The following ERMAP variants were observed in gnomAD, a reference collection of about 807,000 sequenced individuals.
The protein encoded by ERMAP is erythroblast membrane associated protein (Scianna blood group), also known as erythroid membrane-associated protein.
A neutral mutation model predicts 49.5 loss-of-function variants in ERMAP; 34 were observed. The ratio of observed to expected loss-of-function variants is 0.69; its 90% CI spans 0.52 to 0.91. The LOEUF (loss-of-function observed/expected upper bound fraction) is 0.91. Among genes scored for constraint, ERMAP ranks in the 40% least tolerant of loss-of-function variants. The pLI, the probability that ERMAP is intolerant of heterozygous loss-of-function variation, is 0.00. For missense variants in ERMAP, 541 were observed against 582.6 expected (o/e 0.93, Z 0.74); for synonymous variants, 214 against 232.2 (o/e 0.92, Z 0.71).
rs34926729 is a variant in ERMAP, at chr1:42,839,250, T to C, written c.637+329T>C. On this transcript the variant is annotated intron_variant, in intron 8 of 11. Coordinates refer to ENST00000372517, the MANE Select transcript of ERMAP (RefSeq NM_001017922.2). ...ATGGGGTCCAGGAGGACAGGATCCT[T>C]ATTAAACTGAATATGCTGGAGCAGT... 2,039 of 436,970 alleles carry C rather than the reference T, an allele frequency of 4.7e-3. 29 individuals are homozygous for C. Among genetic ancestry groups the C allele is most frequent in the African/African-American group, 0.037 (1,868 of 50,920 alleles). 27.1% of individuals were successfully genotyped at this position (436,970 alleles called of 1,614,324 possible). A position where few individuals can be genotyped will look rare whatever the true frequency, so the allele number is the denominator to read the frequency against.
Position 42,831,056 on chromosome 1 carries a change from G to T in ERMAP, c.374G>T (p.Arg125Leu). 5 of 1,614,206 alleles carry T rather than the reference G, an allele frequency of 3.1e-6. No homozygotes were observed. Among genetic ancestry groups the T allele is most frequent in the Non-Finnish European group, 4.2e-6 (5 of 1,180,040 alleles). Residue 125 changes from arginine (R) to leucine (L), a missense_variant, in exon 4 of 12, where the codon CGA (arginine) becomes CTA (leucine). Arg to Leu is a moderately radical substitution (Grantham distance 102, BLOSUM62 -2). Transcript: ENST00000372517. ...DVRLEDQGSY[R>L]CLIQVGNLSK... ...CGCCTTGAGGACCAAGGGTCTTACC[G>T]ATGTCTGATCCAAGTTGGAAATCTG...
Position 42,830,924 on chromosome 1 carries a change from G to T in ERMAP, c.242G>T (p.Arg81Leu). ...CGCTCCCAGGCTGTTCACATATTCCGGGATGGGAAGGACCAGGATGAAGAT... is the reference window on the plus strand; with the variant it reads ...CGCTCCCAGGCTGTTCACATATTCCTGGATGGGAAGGACCAGGATGAAGAT... ...PQRSQAVHIF[R>L]DGKDQDEDLM... Residue 81 changes from arginine (R) to leucine (L), a missense_variant, in exon 4 of 12, where the codon CGG becomes CTG. By Grantham distance (102) the Arg-to-Leu change is moderately radical. Transcript: ENST00000372517. 1 of 1,614,154 alleles carries T rather than the reference G, an allele frequency of 6.2e-7. No individual in the cohort carries two copies. The highest frequency in any genetic ancestry group is 8.5e-7 in the Non-Finnish European group (1 of 1,180,014).
chr1:42,828,293 T>A (rs1177852138), intron 2 of ERMAP, among the ~76,000 whole-genome samples: 1 of 152,088 alleles, frequency 6.6e-6, no homozygotes, highest in Admixed American at 6.6e-5. Context: ...TTCCAGCATC[T>A]GGTGCAAATC....
intron 2 of ERMAP, 74 bp from the exon 3 acceptor site, chr1:42,830,370 C>T (rs937507101): frequency 1.1e-4 from 148 of 1,350,414 alleles, no homozygotes; most frequent in Middle Eastern, 3.6e-4. Flanking sequence ...GTCTCGGCCT[C>T]GGCTCCTGGG....
chr1:42,817,212 A>G lies in ERMAP; in HGVS notation c.-163A>G. 8.0e-7 allele frequency: 1 copy of G among 1,256,268 alleles called. No individual in the cohort carries two copies. The highest frequency in any genetic ancestry group is 1.0e-6 in the Non-Finnish European group (1 of 974,084). 77.8% of individuals were successfully genotyped at this position (1,256,268 alleles called of 1,614,324 possible). ...TACCTTTCCCGACCGGGCCACTGGA[A>G]GTTGGAGCCTCCGCCGAGTCGCAGA... On this transcript the variant is annotated 5_prime_UTR_variant, in exon 1 of 12. Coordinates refer to ENST00000372517, the MANE Select transcript of ERMAP (RefSeq NM_001017922.2).
chr1:42,838,596 C>T (rs1654969181), intron 7 of ERMAP, among the ~76,000 whole-genome samples: 1 of 152,172 alleles, frequency 6.6e-6, no homozygotes. Flanking sequence ...AGTGCATACA[C>T]TCATGTACCG....
At chr1:42,830,325 C>T in intron 2 of ERMAP, 119 bp from the exon 3 acceptor site, 1 of 803,770 alleles carries the variant, frequency 1.2e-6, no homozygotes, top group Non-Finnish European at 2.1e-6. Flanking sequence ...GGATTGGAGC[C>T]CCGGCCTTTG....
chr1:42,841,156 G>A lies in ERMAP; in HGVS notation c.712+860G>A, dbSNP rs969558284. Among the ~76,000 whole-genome samples the A allele has an allele frequency of 5.3e-5, 8 of 152,172 alleles. No individual in the cohort carries two copies. In the East Asian group the frequency reaches 9.7e-4, roughly 18 times the overall value. ...ACAACAAATTATGAGTTGGCCACTC[G>A]AGAGAACTCCAGGTCACCTTGGCTG... On this transcript the variant is annotated intron_variant, in intron 11 of 11. Transcript: ENST00000372517.
At chr1:42,839,269 G>A (rs1654989511) in intron 8 of ERMAP, 1 of 351,286 alleles carries the variant, frequency 2.8e-6, no homozygotes, top group Non-Finnish European at 5.3e-6. Context: ...GAATATGCTG[G>A]AGCAGTACTT....
At chr1:42,826,809 T>C (rs1310878059) in intron 2 of ERMAP, among the ~76,000 whole-genome samples, 1 of 148,094 alleles carries the variant, frequency 6.8e-6, no homozygotes, top group Non-Finnish European at 1.5e-5. Context: ...TGATCTGAGA[T>C]CATGCCACTG....
At chr1:42,834,642 G>T in intron 4 of ERMAP, 2 of 237,848 alleles carry the variant, frequency 8.4e-6, no homozygotes, top group Admixed American at 5.0e-5. Context: ...TGCAACCTCT[G>T]CCTCCCGGGT....
intron 2 of ERMAP, among the ~76,000 whole-genome samples, chr1:42,827,646 G>A (rs976020575): frequency 6.6e-6 from 1 of 152,158 alleles, no homozygotes; most frequent in African/African-American, 2.4e-5. Flanking sequence ...CCAAACTGTG[G>A]CATATACATT....
At position 42,835,156 on chromosome 1, in the gene ERMAP, T is replaced by TA; in HGVS notation, c.550+4dup. 8.1e-7 allele frequency: 1 copy of TA among 1,236,276 alleles called. No homozygotes were observed. The highest frequency in any genetic ancestry group is 1.2e-6 in the Non-Finnish European group (1 of 834,884). The allele number at this position is 1,236,276 out of a possible 1,614,324, so 76.6% of individuals were successfully genotyped here. ...TCTGGAAGCAAAGAAGAGCAAAAGG[T>TA]AATTAAATGGTAAGGGAGCTCAGGC... On this transcript the variant is annotated splice_region_variant and intron_variant, in intron 5 of 11. Coordinates refer to ENST00000372517, the MANE Select transcript of ERMAP (RefSeq NM_001017922.2).
At chr1:42,826,509 C>T (rs908984584) in intron 2 of ERMAP, among the ~76,000 whole-genome samples, 1 of 152,026 alleles carries the variant, frequency 6.6e-6, no homozygotes, top group African/African-American at 2.4e-5. Context: ...GAAAAGTCTT[C>T]CCATTTTAAA....
chr1:42,830,951 T>C lies in ERMAP; in HGVS notation c.269T>C (p.Leu90Pro), dbSNP rs1295133801. 4 of 1,614,084 alleles carry C rather than the reference T, an allele frequency of 2.5e-6. No homozygotes were observed. Among genetic ancestry groups the C allele is most frequent in the Non-Finnish European group, 3.4e-6 (4 of 1,180,038 alleles). Reference sequence around the variant, plus strand: ...GATGGGAAGGACCAGGATGAAGATCTGATGCCGGAATATAAGGGGAGGACG... The same window carrying C: ...GATGGGAAGGACCAGGATGAAGATCCGATGCCGGAATATAAGGGGAGGACG... ...FRDGKDQDEDLMPEYKGRTVL... is the reference protein window; with the variant it reads ...FRDGKDQDEDPMPEYKGRTVL... The change falls in exon 4 of 12, where the codon CTG becomes CCG. Residue 90 changes from leucine (L) to proline (P), a missense_variant. By Grantham distance (98) the Leu-to-Pro change is moderately conservative. Coordinates refer to ENST00000372517, the MANE Select transcript of ERMAP (RefSeq NM_001017922.2).
At chr1:42,831,620 G>T (rs1654745704) in intron 4 of ERMAP, among the ~76,000 whole-genome samples, 1 of 104,154 alleles carries the variant, frequency 9.6e-6, no homozygotes, top group African/African-American at 3.8e-5. Context: ...GCCTTGCTCT[G>T]TTGCCCAGGC....
At position 42,843,718 on chromosome 1, in the gene ERMAP, G is replaced by A; in HGVS notation, c.*486G>A. The A allele has an allele frequency of 4.9e-6, 1 of 203,032 alleles. No homozygotes were observed. 12.6% of individuals were successfully genotyped at this position (203,032 alleles called of 1,614,324 possible). Reference sequence around the variant, plus strand: ...GCTCTCTAAAAGCAAGCATGTTTTAGACCACTCACTCTTTCCCTCTTTCTT... The same window carrying A: ...GCTCTCTAAAAGCAAGCATGTTTTAAACCACTCACTCTTTCCCTCTTTCTT... On this transcript the variant is annotated 3_prime_UTR_variant, in exon 12 of 12. Coordinates refer to ENST00000372517, the MANE Select transcript of ERMAP (RefSeq NM_001017922.2).
At chr1:42,825,171 G>A (rs878890504) in intron 1 of ERMAP, among the ~76,000 whole-genome samples, 5 of 152,194 alleles carry the variant, frequency 3.3e-5, no homozygotes, top group Admixed American at 2.6e-4. Flanking sequence ...GGCGGGAAGC[G>A]TTTATCACAT....
chr1:42,840,057 AG>A lies in ERMAP; in HGVS notation c.658+5del. 6.2e-7 allele frequency: 1 copy of A among 1,614,114 alleles called. No homozygotes were observed. The highest frequency in any genetic ancestry group is 8.5e-7 in the Non-Finnish European group (1 of 1,180,016). On this transcript the variant is annotated splice_donor_5th_base_variant and intron_variant, in intron 9 of 11. Transcript: ENST00000372517. ...GAGAAACTCCGGAGTGAACTGAGTA[AG>A]TTTCCCATGTTCTTGTAACTTCCGT...
Sources: allele counts gnomAD v4.1 joint callset (sites outside exome capture counted in the v4.1 genomes callset), GRCh38; gene constraint gnomAD v4.1.1; transcripts MANE v1.5; gene names NCBI Gene and HGNC (gene_info 2026-07-23, HGNC 2026-07-21).